The following DPP10 variants were observed in gnomAD, a reference collection of about 807,000 sequenced individuals.
DPP10 encodes dipeptidyl peptidase like 10.
A neutral mutation model predicts 120.9 loss-of-function variants in DPP10; 33 were observed. The observed-to-expected ratio is 0.27, with a 90% confidence interval of 0.21 to 0.37. The LOEUF (loss-of-function observed/expected upper bound fraction) is 0.37, where lower values mean the gene tolerates loss of function less well. Ranked by LOEUF, DPP10 falls within the 10% of genes least tolerant of loss-of-function variation. The probability of loss-of-function intolerance (pLI) is 1.00; values close to 1 mark genes in which losing one functional copy is unlikely to be tolerated. For synonymous variants in DPP10, 337 were observed against 326.1 expected, an observed-to-expected ratio of 1.03 and a Z score of -0.36; for missense variants, 816 against 942.8, an observed-to-expected ratio of 0.87 and a Z score of 1.76.
intron 19 of DPP10, among the ~76,000 whole-genome samples, chr2:115,798,583 C>T (rs1429417947): frequency 6.6e-6 from 1 of 151,994 alleles, no homozygotes; most frequent in Non-Finnish European, 1.5e-5. Context: ...GGCCAGAGCT[C>T]CAGGCTTTTC....
chr2:115,021,483 T>C (rs1418669980), intron 1 of DPP10, among the ~76,000 whole-genome samples: 7 of 152,090 alleles, frequency 4.6e-5, no homozygotes, highest in Non-Finnish European at 8.8e-5. Context: ...ATACAATCTC[T>C]GAATATACCA....
chr2:115,163,666 T>G (rs944686679), intron 1 of DPP10, among the ~76,000 whole-genome samples: 2 of 152,196 alleles, frequency 1.3e-5, no homozygotes, highest in Non-Finnish European at 2.9e-5. Context: ...GCCCTTAAAT[T>G]TCATTAACAA....
intron 3 of DPP10, among the ~76,000 whole-genome samples, chr2:115,382,909 G>A (rs756995871): frequency 1.3e-5 from 2 of 152,200 alleles, no homozygotes; most frequent in African/African-American, 2.4e-5. Context: ...GGAAGTCAGA[G>A]AACGCTGGGG....
chr2:114,711,502 G>A (rs186450735), intron 1 of DPP10, among the ~76,000 whole-genome samples: 10 of 152,130 alleles, frequency 6.6e-5, no homozygotes, highest in African/African-American at 2.4e-4. Flanking sequence ...TGTGTTTCAG[G>A]TTCCTCATCT....
intron 1 of DPP10, among the ~76,000 whole-genome samples, chr2:115,008,722 A>G (rs1702041039): frequency 9.0e-6 from 1 of 110,562 alleles, no homozygotes; most frequent in African/African-American, 3.1e-5. Context: ...GAACTCAAAC[A>G]CATTTACAAG....
chr2:115,753,432 T>C (rs1679005993), intron 11 of DPP10, 135 bp downstream of exon 11: 2 of 772,036 alleles, frequency 2.6e-6, no homozygotes, highest in South Asian at 2.8e-5. Context: ...AGAATTATTC[T>C]ATTAAGAATA....
In DPP10 at chr2:114,695,250, T is replaced by C. The variant is rs901443287; in HGVS notation, c.60+252412T>C. The stretch of plus-strand genomic sequence containing the variant: ...ATGGGCGATTATGAAAGTGATAGAA[T>C]CTATAGGACTTGATGATTAATGGAA... On this transcript the variant is annotated intron_variant, in intron 1 of 25. Transcript: ENST00000410059. Among the ~76,000 whole-genome samples, 18 of 151,968 alleles carry C rather than the reference T, an allele frequency of 1.2e-4. 1 individual carries two copies. The highest frequency in any genetic ancestry group is 7.2e-4 in the Admixed American group (11 of 15,222).
intron 3 of DPP10, among the ~76,000 whole-genome samples, chr2:115,498,714 TTATATA>T (rs144251490): frequency 6.8e-6 from 1 of 146,534 alleles, no homozygotes; most frequent in Admixed American, 6.9e-5. Flanking sequence ...TTATGTATAA[TTATATA>T]TATATATATA....
At chr2:115,760,153 A>T (rs927127334) in intron 11 of DPP10, among the ~76,000 whole-genome samples, 4 of 152,230 alleles carry the variant, frequency 2.6e-5, no homozygotes, top group African/African-American at 9.6e-5. Flanking sequence ...ACAATAGCTA[A>T]AAAGTAGAGA....
At chr2:115,457,205 A>G (rs1226760895) in intron 3 of DPP10, among the ~76,000 whole-genome samples, 1 of 152,106 alleles carries the variant, frequency 6.6e-6, no homozygotes, top group African/African-American at 2.4e-5. Flanking sequence ...TAGGAAAATT[A>G]TATATCCACT....
chr2:114,732,872 G>C (rs1046755235), intron 1 of DPP10, among the ~76,000 whole-genome samples: 1 of 152,154 alleles, frequency 6.6e-6, no homozygotes, highest in South Asian at 2.1e-4. Context: ...GAGAAGAAAA[G>C]AAATAGCAAT....
chr2:115,467,145 A>T (rs1208114178), intron 3 of DPP10, among the ~76,000 whole-genome samples: 1 of 152,172 alleles, frequency 6.6e-6, no homozygotes, highest in Non-Finnish European at 1.5e-5. Flanking sequence ...AAAAGCAGAA[A>T]TCTGAACATA....
chr2:115,704,629 AG>A (rs1202908817), intron 7 of DPP10, among the ~76,000 whole-genome samples: 4 of 152,018 alleles, frequency 2.6e-5, no homozygotes, highest in African/African-American at 9.7e-5. Flanking sequence ...AAAGGTTTTG[AG>A]GATTGTATAA....
At chr2:115,678,630 A>T (rs539999151) in intron 5 of DPP10, among the ~76,000 whole-genome samples, 7 of 152,342 alleles carry the variant, frequency 4.6e-5, no homozygotes, top group African/African-American at 1.2e-4. Context: ...GGAGCCCTAC[A>T]CAGAGTCCCC....
At chr2:114,878,962 T>C (rs1691383131) in intron 1 of DPP10, among the ~76,000 whole-genome samples, 1 of 152,122 alleles carries the variant, frequency 6.6e-6, no homozygotes, top group South Asian at 2.1e-4. Flanking sequence ...GTAACATATA[T>C]ACCTGAAATT....
At chr2:115,252,540 C>G (rs896840998) in intron 1 of DPP10, among the ~76,000 whole-genome samples, 2 of 152,124 alleles carry the variant, frequency 1.3e-5, no homozygotes, top group Non-Finnish European at 2.9e-5. Flanking sequence ...TATTCTGATT[C>G]TTCACATATG....
rs114949069 is a variant in DPP10 at position 115,805,423 on chromosome 2, G to T, written c.1701-9370G>T. ...CCCTGCTTTGGCTCACACAGGGTGC[G>T]CTGTACCCACTGTCCTGCACCCACT... On this transcript the variant is annotated intron_variant, in intron 19 of 25. Transcript: ENST00000410059. 4.9e-3 allele frequency among the ~76,000 whole-genome samples: 740 copies of T among 152,132 alleles called. 8 individuals are homozygous for T. The highest frequency in any genetic ancestry group is 0.016 in the African/African-American group (655 of 41,526).
chr2:114,986,859 C>T (rs1029894911), intron 1 of DPP10, among the ~76,000 whole-genome samples: 3 of 152,130 alleles, frequency 2.0e-5, no homozygotes, highest in Non-Finnish European at 2.9e-5. Context: ...CAACCTCCAC[C>T]TCCCAGGTTC....
chr2:114,646,357 T>G (rs1173015288), intron 1 of DPP10, among the ~76,000 whole-genome samples: 1 of 151,922 alleles, frequency 6.6e-6, no homozygotes, highest in Non-Finnish European at 1.5e-5. Flanking sequence ...ATTTAGATCC[T>G]CTAAAATGAG....
Sources: allele counts gnomAD v4.1 joint callset (sites outside exome capture counted in the v4.1 genomes callset), GRCh38; gene constraint gnomAD v4.1.1; transcripts MANE v1.5; gene names NCBI Gene and HGNC (gene_info 2026-07-23, HGNC 2026-07-21).